OPA3: variants seen among roughly 807,000 people sequenced by gnomAD.
OPA3 encodes optic atrophy 3 protein.
In OPA3, 6 loss-of-function variants were observed where a neutral mutation model predicts 4.0. The observed-to-expected ratio is 1.51, with a 90% confidence interval of 0.83 to 2.99. The LOEUF is 2.99. Among genes scored for constraint, OPA3 ranks in the 30% most tolerant of loss-of-function variants. The pLI is 0.00. For missense variants in OPA3, 235 were observed against 256.2 expected (o/e 0.92, Z 0.56); for synonymous variants, 105 against 117.1 (o/e 0.90, Z 0.67).
Position 45,548,036 on chromosome 19 carries a change from G to A in OPA3, c.*5478C>T. On this transcript the variant is annotated 3_prime_UTR_variant, in exon 2 of 2. Coordinates refer to ENST00000263275, the MANE Select transcript of OPA3 (RefSeq NM_025136.4). ...TATTGCCGGTCTCTGGCACTAGAATGTCAGCTCCAGTGAGGGCCTCTGCTT... is the reference window on the plus strand; with the variant it reads ...TATTGCCGGTCTCTGGCACTAGAATATCAGCTCCAGTGAGGGCCTCTGCTT... 1.3e-6 allele frequency: 1 copy of A among 789,062 alleles called. No homozygotes were observed. Among genetic ancestry groups the A allele is most frequent in the Non-Finnish European group, 1.5e-6 (1 of 650,566 alleles). 48.9% of individuals were successfully genotyped at this position (789,062 alleles called of 1,614,324 possible). A position where few individuals can be genotyped will look rare whatever the true frequency, so the allele number is the denominator to read the frequency against.
At chr19:45,578,453 T>C (rs1969800015) in intron 1 of OPA3, among the ~76,000 whole-genome samples, 1 of 135,928 alleles carries the variant, frequency 7.4e-6, no homozygotes, top group Non-Finnish European at 1.6e-5. Flanking sequence ...AAGACATCTC[T>C]GAATTCCTAT....
At chr19:45,546,231 C>T (rs1485345075), downstream of OPA3, 6 of 192,860 alleles carry the variant, frequency 3.1e-5, no homozygotes, top group Admixed American at 4.0e-4. Context: ...AGTTATTCTT[C>T]ATGAAATGGA....
intron 1 of OPA3, among the ~76,000 whole-genome samples, chr19:45,535,830 T>C (rs1214965157): frequency 6.8e-6 from 1 of 147,166 alleles, no homozygotes; most frequent in East Asian, 2.0e-4. Context: ...AATAGCACAA[T>C]TATAGCTCAC....
chr19:45,543,041 A>G (rs1332261392), downstream of OPA3, among the ~76,000 whole-genome samples: 1 of 149,290 alleles, frequency 6.7e-6, no homozygotes, highest in Admixed American at 6.7e-5. Flanking sequence ...ACAGGGTCTC[A>G]CTCTGTCGCC....
intron 1 of OPA3, among the ~76,000 whole-genome samples, chr19:45,559,162 G>A (rs1599971779): frequency 1.3e-5 from 2 of 152,036 alleles, no homozygotes; most frequent in South Asian, 4.2e-4. Context: ...GGGACTACAG[G>A]TGTGAGCCAC....
At position 45,553,856 on chromosome 19, in the gene OPA3, C is replaced by A. The variant is rs1300114325; in HGVS notation, c.198G>T (p.Thr66=). The part of the protein sequence containing the change: ...TKMRIMGFRG[T]VIKPLNEEAA... ...CCTCCTCGTTCAGCGGCTTGATGACCGTGCCCCGGAAGCCCATGATGCGCA... is the reference window on the plus strand; with the variant it reads ...CCTCCTCGTTCAGCGGCTTGATGACAGTGCCCCGGAAGCCCATGATGCGCA... Residue 66 remains threonine (T), a synonymous_variant, in exon 2 of 2, where the codon ACG becomes ACT. Transcript: ENST00000263275. 6.2e-7 allele frequency: 1 copy of A among 1,611,976 alleles called. No individual in the cohort carries two copies.
downstream of OPA3, among the ~76,000 whole-genome samples, chr19:45,546,107 A>G (rs1270383569): frequency 2.0e-5 from 3 of 152,166 alleles, no homozygotes; most frequent in African/African-American, 4.8e-5. Flanking sequence ...CTAACAAGAC[A>G]TATAATACAT....
chr19:45,546,499 C>CA lies in OPA3; in HGVS notation c.*7014_*7015insT. ...CACACGATGGATTACATAAACTCTG[C>CA]TTTTTTTTTTTTTTGAGACAGGGTC... On this transcript the variant is annotated 3_prime_UTR_variant, in exon 2 of 2. Coordinates refer to ENST00000263275, the MANE Select transcript of OPA3 (RefSeq NM_025136.4). The CA allele has an allele frequency of 2.1e-6, 1 of 475,186 alleles. No homozygotes were observed. Among genetic ancestry groups the CA allele is most frequent in the Non-Finnish European group, 2.7e-6 (1 of 370,660 alleles). 29.4% of individuals were successfully genotyped at this position (475,186 alleles called of 1,614,324 possible).
At chr19:45,563,162 T>C (rs1007720917) in intron 1 of OPA3, among the ~76,000 whole-genome samples, 8 of 152,096 alleles carry the variant, frequency 5.3e-5, no homozygotes, top group African/African-American at 1.9e-4. Context: ...TGATAACAAT[T>C]TTTTTGTTTG....
chr19:45,529,370 C>T (rs939401181), exon 2 of OPA3: 1 of 1,614,202 alleles, frequency 6.2e-7, no homozygotes, highest in Admixed American at 1.7e-5. Flanking sequence ...CCCAGCTCGG[C>T]GGCTGCACCC....
chr19:45,559,314 T>A (rs1969467177), intron 1 of OPA3, among the ~76,000 whole-genome samples: 2 of 152,056 alleles, frequency 1.3e-5, no homozygotes, highest in South Asian at 4.1e-4. Flanking sequence ...CTCTATTACT[T>A]AAAAGAATAT....
chr19:45,552,173 G>C lies in OPA3; in HGVS notation c.*1341C>G. 2.0e-6 allele frequency: 2 copies of C among 985,324 alleles called. No individual in the cohort carries two copies. Among genetic ancestry groups the C allele is most frequent in the Non-Finnish European group, 2.4e-6 (2 of 829,972 alleles). 61.0% of individuals were successfully genotyped at this position (985,324 alleles called of 1,614,324 possible). A position where few individuals can be genotyped will look rare whatever the true frequency, so the allele number is the denominator to read the frequency against. Reference sequence around the variant, plus strand: ...TAGTCCACTTCGGGTCTCAAGGGAAGGTACAATGATTCCAGGGATTGACTG... The same window carrying C: ...TAGTCCACTTCGGGTCTCAAGGGAACGTACAATGATTCCAGGGATTGACTG... On this transcript the variant is annotated 3_prime_UTR_variant, in exon 2 of 2. Coordinates refer to ENST00000263275, the MANE Select transcript of OPA3 (RefSeq NM_025136.4).
intron 1 of OPA3, among the ~76,000 whole-genome samples, chr19:45,564,372 AC>A (rs1420461098): frequency 6.6e-6 from 1 of 152,098 alleles, no homozygotes; most frequent in Non-Finnish European, 1.5e-5. Context: ...GGAGACTAGG[AC>A]CACACATGCA....
chr19:45,569,229 C>A (rs895623457), intron 1 of OPA3, among the ~76,000 whole-genome samples: 2 of 152,162 alleles, frequency 1.3e-5, no homozygotes, highest in African/African-American at 4.8e-5. Flanking sequence ...AAGGCCAAGG[C>A]AGACAGATTA....
At chr19:45,541,572 A>AT (rs989998667), downstream of OPA3, among the ~76,000 whole-genome samples, 193 of 151,358 alleles carry the variant, frequency 1.3e-3, 1 homozygote, top group African/African-American at 4.3e-3. Context: ...AATAAGAGAA[A>AT]TTTTTTTTTG....
At chr19:45,538,802 C>T (rs1324731517) in intron 1 of OPA3, among the ~76,000 whole-genome samples, 1 of 152,052 alleles carries the variant, frequency 6.6e-6, no homozygotes. Context: ...GATGCCATTT[C>T]CCAGCCACTG....
intron 1 of OPA3, among the ~76,000 whole-genome samples, chr19:45,532,725 G>A (rs539125602): frequency 3.0e-4 from 46 of 151,796 alleles, no homozygotes; most frequent in Non-Finnish European, 5.7e-4. Context: ...GTGTCCATTC[G>A]GCTTTAAAAT....
chr19:45,572,722 C>T (rs1223870189), intron 1 of OPA3, among the ~76,000 whole-genome samples: 2 of 130,356 alleles, frequency 1.5e-5, no homozygotes, highest in African/African-American at 5.8e-5. Flanking sequence ...TCAATATATA[C>T]CTATATATCA....
intron 1 of OPA3, among the ~76,000 whole-genome samples, chr19:45,556,844 A>G (rs1969427982): frequency 1.3e-5 from 2 of 152,190 alleles, no homozygotes; most frequent in South Asian, 4.1e-4. Flanking sequence ...CCTGGGGTCC[A>G]GGCTGTGGAG....
Sources: gnomAD v4.1 joint callset for allele counts (sites outside exome capture counted in the v4.1 genomes callset) on GRCh38, gnomAD v4.1.1 for gene constraint, MANE v1.5 for transcripts, NCBI Gene and HGNC (gene_info 2026-07-23, HGNC 2026-07-21) for gene names.